Variants in SLC26A7 observed in about 807,000 individuals in gnomAD.
The protein encoded by SLC26A7 is anion exchange transporter.
A neutral mutation model predicts 82.5 loss-of-function variants in SLC26A7; 59 were observed. That is an observed-to-expected ratio of 0.72 (90% CI 0.58 to 0.89). SLC26A7 has a LOEUF of 0.89. Among genes scored for constraint, SLC26A7 ranks in the 40% least tolerant of loss-of-function variants. The probability of loss-of-function intolerance (pLI) is 0.00; values close to 1 mark genes in which losing one functional copy is unlikely to be tolerated. For missense variants in SLC26A7, 820 were observed against 793.0 expected (o/e 1.03, Z -0.41); for synonymous variants, 271 against 274.3 (o/e 0.99, Z 0.12).
chr8:91,279,123 GTGTATATATATATATATATATATATA>G (rs1811486908), intron 2 of SLC26A7, among the ~76,000 whole-genome samples: 1 of 78,766 alleles, frequency 1.3e-5, no homozygotes, highest in African/African-American at 5.7e-5. Flanking sequence ...GTGTGTGTGT[GTGTATATATATATATATATATATATA>G]TATATATATA....
intron 15 of SLC26A7, among the ~76,000 whole-genome samples, chr8:91,385,487 T>A (rs1298566761): frequency 6.6e-6 from 1 of 152,244 alleles, no homozygotes; most frequent in Non-Finnish European, 1.5e-5. Context: ...CTGTGTTTTC[T>A]CATTTAGAAG....
At chr8:91,289,317 C>A in intron 3 of SLC26A7, 71 bp downstream of exon 3, 1 of 1,192,126 alleles carries the variant, frequency 8.4e-7, no homozygotes, top group Non-Finnish European at 1.2e-6. Flanking sequence ...CTGATTACAT[C>A]TCCTTAGCAG....
intron 2 of SLC26A7, among the ~76,000 whole-genome samples, chr8:91,243,577 A>T (rs1810502366): frequency 6.6e-6 from 1 of 152,156 alleles, no homozygotes; most frequent in Non-Finnish European, 1.5e-5. Flanking sequence ...AGACACACTG[A>T]CTCAGAAATC....
At chr8:91,255,705 C>G (rs1047835675) in intron 2 of SLC26A7, among the ~76,000 whole-genome samples, 3 of 152,084 alleles carry the variant, frequency 2.0e-5, no homozygotes, top group Non-Finnish European at 4.4e-5. Flanking sequence ...TCATTCGGTA[C>G]TTTTGACTCC....
chr8:91,391,636 A>G (rs2130907933), intron 16 of SLC26A7, among the ~76,000 whole-genome samples: 1 of 152,192 alleles, frequency 6.6e-6, no homozygotes, highest in Admixed American at 6.5e-5. Context: ...CTATGTTCCT[A>G]AAGTCTACAA....
chr8:91,367,688 A>C (rs1397599865), intron 14 of SLC26A7, among the ~76,000 whole-genome samples: 1 of 152,214 alleles, frequency 6.6e-6, no homozygotes, highest in African/African-American at 2.4e-5. Context: ...AAGGCAAAGC[A>C]CTTAGAATAG....
At chr8:91,323,535 T>A (rs1412039039) in intron 5 of SLC26A7, among the ~76,000 whole-genome samples, 1 of 152,304 alleles carries the variant, frequency 6.6e-6, no homozygotes, top group East Asian at 1.9e-4. Flanking sequence ...GTATGTTTGG[T>A]CCAAGTGACT....
At chr8:91,391,889 T>C (rs1350190906) in intron 16 of SLC26A7, among the ~76,000 whole-genome samples, 1 of 152,114 alleles carries the variant, frequency 6.6e-6, no homozygotes, top group Non-Finnish European at 1.5e-5. Context: ...TCTGAAATTA[T>C]TAGCTTCCTT....
At chr8:91,315,882 A>AT (rs1271783891) in intron 4 of SLC26A7, among the ~76,000 whole-genome samples, 3 of 152,164 alleles carry the variant, frequency 2.0e-5, no homozygotes, top group Non-Finnish European at 4.4e-5. Context: ...TGCATGTATT[A>AT]TTTCACACTC....
At chr8:91,300,244 A>G (rs1294543672) in intron 4 of SLC26A7, among the ~76,000 whole-genome samples, 1 of 152,092 alleles carries the variant, frequency 6.6e-6, no homozygotes, top group African/African-American at 2.4e-5. Flanking sequence ...CTTTGTTGCT[A>G]TTATAAGTGG....
chr8:91,317,086 G>C (rs1812656990), intron 4 of SLC26A7, among the ~76,000 whole-genome samples: 1 of 151,372 alleles, frequency 6.6e-6, no homozygotes, highest in African/African-American at 2.4e-5. Flanking sequence ...CTTGAGCCTG[G>C]GGGGTGGAGG....
chr8:91,367,913 C>G lies in SLC26A7; in HGVS notation c.1626+1196C>G, dbSNP rs1039917359. On this transcript the variant is annotated intron_variant, in intron 14 of 18. Coordinates refer to ENST00000276609, the MANE Select transcript of SLC26A7 (RefSeq NM_052832.4). ...GAGCTGTCCTGAGCCACATTCCTGT[C>G]CCTTACAGCTTCACACTTCTGCCTT... 2.2e-4 allele frequency among the ~76,000 whole-genome samples: 34 copies of G among 152,160 alleles called. 1 individual carries two copies. Among genetic ancestry groups the G allele is most frequent in the Non-Finnish European group, 7.4e-5 (5 of 68,024 alleles).
intron 2 of SLC26A7, among the ~76,000 whole-genome samples, chr8:91,236,188 A>G (rs1176211242): frequency 6.6e-6 from 1 of 152,198 alleles, no homozygotes; most frequent in Admixed American, 6.5e-5. Flanking sequence ...GATATTCTTA[A>G]CTGCATGAAA....
chr8:91,395,024 T>C (rs942250643), intron 18 of SLC26A7, 38 bp from the exon 19 acceptor site: 2 of 1,603,992 alleles, frequency 1.2e-6, no homozygotes, highest in African/African-American at 2.7e-5. Flanking sequence ...AAGAGTTGAG[T>C]AAATAGCACA....
At chr8:91,386,621 G>A (rs1012738457) in intron 15 of SLC26A7, among the ~76,000 whole-genome samples, 1 of 152,122 alleles carries the variant, frequency 6.6e-6, no homozygotes. Context: ...TTTAATAAGA[G>A]TACCCACGTT....
At chr8:91,291,472 A>G (rs1811866488) in intron 3 of SLC26A7, among the ~76,000 whole-genome samples, 1 of 152,196 alleles carries the variant, frequency 6.6e-6, no homozygotes, top group African/African-American at 2.4e-5. Flanking sequence ...CATTTTTCAA[A>G]ACATTTAAAC....
chr8:91,328,259 A>G (rs1381469522), intron 5 of SLC26A7, among the ~76,000 whole-genome samples: 2 of 152,108 alleles, frequency 1.3e-5, no homozygotes, highest in Non-Finnish European at 2.9e-5. Flanking sequence ...TTCAATAGCT[A>G]TGGTCCCAGA....
intron 8 of SLC26A7, among the ~76,000 whole-genome samples, chr8:91,341,442 C>T (rs1348016708): frequency 2.0e-5 from 3 of 152,202 alleles, no homozygotes; most frequent in Non-Finnish European, 4.4e-5. Context: ...CTGTGCTGGT[C>T]TGCAGAGAAG....
intron 15 of SLC26A7, 121 bp from the exon 16 acceptor site, chr8:91,389,217 A>C (rs997919848): frequency 9.2e-5 from 63 of 682,822 alleles, no homozygotes; most frequent in Non-Finnish European, 9.7e-5. Flanking sequence ...GTAAAAATTA[A>C]AAGTGTTTAG....
Sources: allele counts gnomAD v4.1 joint callset (sites outside exome capture counted in the v4.1 genomes callset), GRCh38; gene constraint gnomAD v4.1.1; transcripts MANE v1.5; gene names NCBI Gene and HGNC (gene_info 2026-07-23, HGNC 2026-07-21).